Variants in POU6F1 observed in about 807,000 individuals in gnomAD.
The protein encoded by POU6F1 is POU class 6 homeobox 1, also known as POU domain, class 6, transcription factor 1.
In POU6F1, 9 loss-of-function variants were observed where a neutral mutation model predicts 28.9. The observed-to-expected ratio is 0.31, with a 90% CI of 0.19 to 0.54. The LOEUF (loss-of-function observed/expected upper bound fraction) is 0.54, where lower values mean the gene tolerates loss of function less well. Ranked by LOEUF, POU6F1 falls within the 20% of genes least tolerant of loss-of-function variation. POU6F1 has a pLI of 0.94. For missense variants in POU6F1, 338 were observed against 426.1 expected (o/e 0.79, Z 1.82); for synonymous variants, 173 against 171.1 (o/e 1.01, Z -0.09).
chr12:51,189,222 C>T lies in POU6F1; in HGVS notation c.*1025G>A, dbSNP rs754748547. ...TTATTTCAGGATGTTGTCCTTTCCC[C>T]CAGGGCCTTGCTGTCTGGTTTATTG... On this transcript the variant is annotated 3_prime_UTR_variant, in exon 11 of 11. Transcript: ENST00000333640. 2.5e-4 allele frequency: 38 copies of T among 152,182 alleles called. 1 individual carries two copies. Among genetic ancestry groups the T allele is most frequent in the Non-Finnish European group, 5.9e-5 (4 of 68,034 alleles). The allele number at this position is 152,182 out of a possible 1,614,324, so 9.4% of individuals were successfully genotyped here. A position where few individuals can be genotyped will look rare whatever the true frequency, so the allele number is the denominator to read the frequency against.
Position 51,192,771 on chromosome 12 carries a change from G to C in POU6F1, c.1180-300C>G, listed in dbSNP as rs528980991. Among the ~76,000 whole-genome samples, 5 of 152,156 alleles carry C rather than the reference G, an allele frequency of 3.3e-5. No individual in the cohort carries two copies. In the East Asian group the frequency reaches 5.8e-4, roughly 18 times the overall value. The stretch of plus-strand genomic sequence containing the variant: ...AATACAAAAATTAGCTGGGCATGGT[G>C]GTGGGTGCCTATAATTCCAGCTACT... On this transcript the variant is annotated intron_variant, in intron 8 of 10. Coordinates refer to ENST00000333640, the MANE Select transcript of POU6F1 (RefSeq NM_001330422.2).
At chr12:51,210,112 AT>A (rs1329583459) in intron 1 of POU6F1, among the ~76,000 whole-genome samples, 2 of 151,938 alleles carry the variant, frequency 1.3e-5, no homozygotes, top group Admixed American at 6.6e-5. Context: ...TGGCCAGCTA[AT>A]TTTTTTTATT....
rs1371506901 is a variant in POU6F1 at position 51,190,641 on chromosome 12, C to T, written c.1491-49G>A. On this transcript the variant is annotated intron_variant, in intron 10 of 10. Transcript: ENST00000333640. The surrounding 1 kb of genome is among the most constrained non-coding windows in gnomAD (Gnocchi z 4.5). Reference sequence around the variant, plus strand: ...AGAGGCAGTGAGAGCATGTTGGTCTCTTTGGCACACCCCGCACCTAGGTGC... The same window carrying T: ...AGAGGCAGTGAGAGCATGTTGGTCTTTTTGGCACACCCCGCACCTAGGTGC... 2 of 1,586,766 alleles carry T rather than the reference C, an allele frequency of 1.3e-6. No homozygotes were observed. Among genetic ancestry groups the T allele is most frequent in the Non-Finnish European group, 1.7e-6 (2 of 1,167,104 alleles).
At position 51,190,281 on chromosome 12, in the gene POU6F1, T is replaced by C; in HGVS notation, c.1802A>G (p.Asn601Ser). The stretch of plus-strand genomic sequence containing the variant: ...CTGAAAGACGTTCAGCTTGCTGGTG[T>C]TCTTGAGCGTCTGGCGCCGATTGCA... ...WFCNRRQTLK[N>S]TSKLNVFQIP The change falls in exon 11 of 11, where the codon AAC (asparagine) becomes AGC (serine). Residue 601 changes from asparagine to serine, a missense_variant. Transcript: ENST00000333640. The surrounding 1 kb of genome is among the most constrained non-coding windows in gnomAD (Gnocchi z 4.5). 6.2e-7 allele frequency: 1 copy of C among 1,614,162 alleles called. No individual in the cohort carries two copies. Among genetic ancestry groups the C allele is most frequent in the East Asian group, 2.2e-5 (1 of 44,864 alleles).
intron 1 of POU6F1, among the ~76,000 whole-genome samples, chr12:51,214,671 C>T (rs539325398): frequency 6.6e-6 from 1 of 152,298 alleles, no homozygotes; most frequent in Middle Eastern, 3.4e-3. Flanking sequence ...AGGGTAGTAG[C>T]TCACACCTGT....
Position 51,190,048 on chromosome 12 carries a change from G to GC in POU6F1, c.*198dup, listed in dbSNP as rs972535139. On this transcript the variant is annotated 3_prime_UTR_variant, in exon 11 of 11. Coordinates refer to ENST00000333640, the MANE Select transcript of POU6F1 (RefSeq NM_001330422.2). This position sits in a 1 kb window ranked among gnomAD's most constrained non-coding sequence, Gnocchi z 4.5. ...GCCCAGAGCCTGGAGCTCTCGTGTG[G>GC]CCCCCTCTGGCCTCCCCATGATGTG... The GC allele has an allele frequency of 2.3e-5, 23 of 987,932 alleles. No homozygotes were observed. The highest frequency in any genetic ancestry group is 3.2e-5 in the Non-Finnish European group (22 of 696,968). The allele number at this position is 987,932 out of a possible 1,614,324, so 61.2% of individuals were successfully genotyped here.
rs1355197158 is a variant in POU6F1, at chr12:51,187,972, C to T, written c.*2275G>A. 6.6e-6 allele frequency: 1 copy of T among 152,240 alleles called. No homozygotes were observed. The highest frequency in any genetic ancestry group is 1.5e-5 in the Non-Finnish European group (1 of 68,058). 9.4% of individuals were successfully genotyped at this position (152,240 alleles called of 1,614,324 possible). ...TGTTTGAGACCGAGTCTTGCTCTGT[C>T]ACCCAGGCTGGAGTGAAGTAGTGTG... On this transcript the variant is annotated 3_prime_UTR_variant, in exon 11 of 11. Coordinates refer to ENST00000333640, the MANE Select transcript of POU6F1 (RefSeq NM_001330422.2).
In POU6F1 at chr12:51,188,926, G is replaced by C. The variant is rs758566029; in HGVS notation, c.*1321C>G. 17 of 152,054 alleles carry C rather than the reference G, an allele frequency of 1.1e-4. 1 individual carries two copies. Among genetic ancestry groups the C allele is most frequent in the Admixed American group, 2.6e-4 (4 of 15,260 alleles). The allele number at this position is 152,054 out of a possible 1,614,324, so 9.4% of individuals were successfully genotyped here. A position where few individuals can be genotyped will look rare whatever the true frequency, so the allele number is the denominator to read the frequency against. ...CCTGGAGTTACATACTGAATTTTAG[G>C]GGCTTTCCAGCCACAGTGAGGCTGG... On this transcript the variant is annotated 3_prime_UTR_variant, in exon 11 of 11. Coordinates refer to ENST00000333640, the MANE Select transcript of POU6F1 (RefSeq NM_001330422.2).
At chr12:51,194,491 A>T (rs1225137556) in intron 8 of POU6F1, among the ~76,000 whole-genome samples, 1 of 152,052 alleles carries the variant, frequency 6.6e-6, no homozygotes, top group Non-Finnish European at 1.5e-5. Flanking sequence ...ACATACAAAA[A>T]TTAGCCAGGT....
chr12:51,205,909 C>T (rs1331772532), intron 2 of POU6F1, among the ~76,000 whole-genome samples: 4 of 149,784 alleles, frequency 2.7e-5, no homozygotes, highest in Non-Finnish European at 5.9e-5. Flanking sequence ...AGCTCCACCT[C>T]CTGGGCTCAC....
Position 51,195,956 on chromosome 12 carries a change from C to T in POU6F1, c.1179+14G>A. On this transcript the variant is annotated intron_variant, in intron 8 of 10. Transcript: ENST00000333640. ...AGAGCCTGCCCCACCCCCCACCCCC[C>T]CCAGCCCCTGTACCTCACTCTTAGC... 2 of 1,517,480 alleles carry T rather than the reference C, an allele frequency of 1.3e-6. No homozygotes were observed. Among genetic ancestry groups the T allele is most frequent in the Non-Finnish European group, 1.8e-6 (2 of 1,120,548 alleles). 94.0% of individuals were successfully genotyped at this position (1,517,480 alleles called of 1,614,324 possible). A position where few individuals can be genotyped will look rare whatever the true frequency, so the allele number is the denominator to read the frequency against.
chr12:51,191,564 G>A lies in POU6F1; in HGVS notation c.1490+32C>T, dbSNP rs1361079333. On this transcript the variant is annotated intron_variant, in intron 10 of 10. Transcript: ENST00000333640. ...CCGGTGGCACCAGGCAGCTGAGCAG[G>A]CCCTAATCCTGTCTAGGGCAGCCTT... 2.5e-6 allele frequency: 4 copies of A among 1,601,288 alleles called. 1 individual carries two copies. In the Admixed American group the frequency reaches 5.0e-5, roughly 20 times the overall value.
chr12:51,213,895 CA>C (rs1035424804), intron 1 of POU6F1, among the ~76,000 whole-genome samples: 1 of 151,930 alleles, frequency 6.6e-6, no homozygotes, highest in Non-Finnish European at 1.5e-5. Flanking sequence ...GTAATTCCAG[CA>C]CTTTGGGAGG....
At chr12:51,203,688 C>T (rs895124132) in intron 3 of POU6F1, among the ~76,000 whole-genome samples, 1 of 152,066 alleles carries the variant, frequency 6.6e-6, no homozygotes, top group African/African-American at 2.4e-5. Flanking sequence ...GTCCAGATCT[C>T]CAGTCAAGGG....
In POU6F1 at chr12:51,191,590, A is replaced by C. The variant is rs1442968824; in HGVS notation, c.1490+6T>G. The C allele has an allele frequency of 6.2e-7, 1 of 1,612,176 alleles. No individual in the cohort carries two copies. The highest frequency in any genetic ancestry group is 1.1e-5 in the South Asian group (1 of 91,014). ...CCCTAATCCTGTCTAGGGCAGCCTTACTCACCGGCAGATGGCTGACTGGCT... is the reference window on the plus strand; with the variant it reads ...CCCTAATCCTGTCTAGGGCAGCCTTCCTCACCGGCAGATGGCTGACTGGCT... On this transcript the variant is annotated splice_donor_region_variant and intron_variant, in intron 10 of 10. Coordinates refer to ENST00000333640, the MANE Select transcript of POU6F1 (RefSeq NM_001330422.2).
In POU6F1 at chr12:51,187,641, C is replaced by T. The variant is rs1942108102; in HGVS notation, c.*2606G>A. 1 of 152,186 alleles carries T rather than the reference C, an allele frequency of 6.6e-6. No individual in the cohort carries two copies. The highest frequency in any genetic ancestry group is 1.9e-4 in the East Asian group (1 of 5,200). 9.4% of individuals were successfully genotyped at this position (152,186 alleles called of 1,614,324 possible). A position where few individuals can be genotyped will look rare whatever the true frequency, so the allele number is the denominator to read the frequency against. ...CCCTGGTATTGTTCCTCTGAATGAC[C>T]AATCCATCATTCCAGCAGAGGAGAA... On this transcript the variant is annotated 3_prime_UTR_variant, in exon 11 of 11. Coordinates refer to ENST00000333640, the MANE Select transcript of POU6F1 (RefSeq NM_001330422.2).
intron 10 of POU6F1, 75 bp downstream of exon 10, chr12:51,191,521 T>C (rs7487157): frequency 0.34 from 518,996 of 1,528,398 alleles, 91,431 homozygotes; most frequent in African/African-American, 0.6. Flanking sequence ...GGGCCGGTGC[T>C]CAGGTTCCCA....
intron 6 of POU6F1, among the ~76,000 whole-genome samples, chr12:51,197,346 G>A (rs1297354320): frequency 2.0e-5 from 3 of 152,184 alleles, no homozygotes; most frequent in Non-Finnish European, 4.4e-5. Flanking sequence ...CCAGGCCTGG[G>A]AGGGTAGAAG....
At position 51,187,193 on chromosome 12, in the gene POU6F1, C is replaced by T. The variant is rs560565419; in HGVS notation, c.*3054G>A. The stretch of plus-strand genomic sequence containing the variant: ...GTTCCTTAGTCCATTTGGCTGAGTT[C>T]TTTCCCTGGACTTCACCTGGATAAA... On this transcript the variant is annotated 3_prime_UTR_variant, in exon 11 of 11. Transcript: ENST00000333640. 7.2e-5 allele frequency: 11 copies of T among 152,224 alleles called. No individual in the cohort carries two copies. The highest frequency in any genetic ancestry group is 1.6e-4 in the Non-Finnish European group (11 of 68,038). 9.4% of individuals were successfully genotyped at this position (152,224 alleles called of 1,614,324 possible). A position where few individuals can be genotyped will look rare whatever the true frequency, so the allele number is the denominator to read the frequency against.
Sources: allele counts gnomAD v4.1 joint callset (sites outside exome capture counted in the v4.1 genomes callset), GRCh38; gene constraint gnomAD v4.1.1; non-coding constraint Gnocchi (gnomAD v3.1); transcripts MANE v1.5; gene names NCBI Gene and HGNC (gene_info 2026-07-23, HGNC 2026-07-21).